The following CFAP54 variants were observed in gnomAD, a reference collection of about 807,000 sequenced individuals.
CFAP54 encodes cilia and flagella associated protein 54.
A neutral mutation model predicts 370.4 loss-of-function variants in CFAP54; 290 were observed. The ratio of observed to expected loss-of-function variants is 0.78; its 90% CI spans 0.71 to 0.86. CFAP54 has a LOEUF of 0.86. Among genes scored for constraint, CFAP54 ranks in the 40% least tolerant of loss-of-function variants. The probability of loss-of-function intolerance (pLI) is 0.00; values close to 1 mark genes in which losing one functional copy is unlikely to be tolerated. For synonymous variants in CFAP54, 1,206 were observed against 1,236.5 expected, an observed-to-expected ratio of 0.98 and a Z score of 0.52; for missense variants, 3,399 against 3,528.7, an observed-to-expected ratio of 0.96 and a Z score of 0.93.
At chr12:96,562,421 T>G (rs890365872) in intron 17 of CFAP54, among the ~76,000 whole-genome samples, 5 of 150,432 alleles carry the variant, frequency 3.3e-5, no homozygotes, top group Non-Finnish European at 5.9e-5. Context: ...TTTTTTGTAT[T>G]TGCATTCTTT....
intron 63 of CFAP54, among the ~76,000 whole-genome samples, chr12:96,806,863 T>C (rs965111322): frequency 1.3e-5 from 2 of 152,164 alleles, no homozygotes; most frequent in Non-Finnish European, 2.9e-5. Flanking sequence ...TTGAAATGGC[T>C]GTTGCGACTC....
chr12:96,504,094 T>C, intron 3 of CFAP54, 65 bp downstream of exon 3: 1 of 1,380,824 alleles, frequency 7.2e-7, no homozygotes, highest in Non-Finnish European at 9.5e-7. Flanking sequence ...ATCTTTTAGT[T>C]GACAGCTTCT....
At chr12:96,578,892 G>T (rs61938139) in intron 20 of CFAP54, among the ~76,000 whole-genome samples, 2,514 of 152,202 alleles carry the variant, frequency 0.017, 25 homozygotes, top group Non-Finnish European at 0.024. Flanking sequence ...GTACTGATTT[G>T]TTCATGATGT....
intron 19 of CFAP54, chr12:96,565,097 G>A: frequency 6.2e-6 from 1 of 160,746 alleles, no homozygotes; most frequent in Non-Finnish European, 1.4e-5. Flanking sequence ...AATTCTTAAA[G>A]TCCATTGGCT....
At chr12:96,501,045 T>G in intron 2 of CFAP54, 106 bp downstream of exon 2, 1 of 617,604 alleles carries the variant, frequency 1.6e-6, no homozygotes. Flanking sequence ...GATTTTTCTC[T>G]TAGAAAAAAA....
chr12:96,788,262 G>A (rs574399948), intron 62 of CFAP54, among the ~76,000 whole-genome samples: 1 of 152,260 alleles, frequency 6.6e-6, no homozygotes, highest in East Asian at 1.9e-4. Context: ...AGTGCATGGT[G>A]ACATCATTAG....
At chr12:96,705,318 A>G (rs1287296026) in intron 47 of CFAP54, among the ~76,000 whole-genome samples, 4 of 152,154 alleles carry the variant, frequency 2.6e-5, no homozygotes, top group African/African-American at 9.7e-5. Flanking sequence ...TAATTTTAAT[A>G]GGACTATATC....
At chr12:96,534,027 A>C (rs1565887449) in intron 10 of CFAP54, 35 bp from the exon 11 acceptor site, 8 of 1,500,506 alleles carry the variant, frequency 5.3e-6, no homozygotes, top group Non-Finnish European at 7.1e-6. Context: ...ATGACATCCA[A>C]TTACTAATTA....
intron 32 of CFAP54, among the ~76,000 whole-genome samples, chr12:96,634,818 A>G (rs546098826): frequency 2.0e-5 from 3 of 152,298 alleles, no homozygotes; most frequent in Admixed American, 6.5e-5. Flanking sequence ...AATTGCTCCA[A>G]TGTCATTTCT....
chr12:96,521,331 C>T (rs1955309843), intron 6 of CFAP54, among the ~76,000 whole-genome samples: 1 of 152,136 alleles, frequency 6.6e-6, no homozygotes, highest in South Asian at 2.1e-4. Context: ...AGAAAGCCTC[C>T]CTTCTTCCTT....
chr12:96,739,867 A>C (rs1958029924), intron 50 of CFAP54, 89 bp from the exon 51 acceptor site: 1 of 786,964 alleles, frequency 1.3e-6, no homozygotes, highest in Admixed American at 2.7e-5. Flanking sequence ...GGGTGTGAGA[A>C]TGTTTTTTGG....
intron 67 of CFAP54, among the ~76,000 whole-genome samples, chr12:96,868,185 A>G (rs1960055500): frequency 6.6e-6 from 1 of 151,814 alleles, no homozygotes; most frequent in Non-Finnish European, 1.5e-5. Context: ...CACTCATTCT[A>G]TTTTGCACGT....
chr12:96,635,367 G>A (rs976036055), intron 32 of CFAP54, among the ~76,000 whole-genome samples: 2 of 151,582 alleles, frequency 1.3e-5, no homozygotes, highest in African/African-American at 2.4e-5. Context: ...TAATATGATC[G>A]TGCGATAAAC....
At chr12:96,710,176 T>G (rs1252692569) in intron 48 of CFAP54, among the ~76,000 whole-genome samples, 1 of 152,180 alleles carries the variant, frequency 6.6e-6, no homozygotes, top group East Asian at 1.9e-4. Flanking sequence ...AATGTAGGTT[T>G]TATTATTCAG....
At chr12:96,861,506 G>T (rs1257836373) in intron 67 of CFAP54, among the ~76,000 whole-genome samples, 2 of 152,140 alleles carry the variant, frequency 1.3e-5, no homozygotes, top group African/African-American at 4.8e-5. Context: ...TAAATGGCTT[G>T]GGAAAAAATC....
At chr12:96,495,283 TC>T (rs1954938420) in intron 1 of CFAP54, among the ~76,000 whole-genome samples, 3 of 147,552 alleles carry the variant, frequency 2.0e-5, no homozygotes, top group South Asian at 2.2e-4. Context: ...CTTCCTTCCT[TC>T]CTTCCTTCTT....
intron 1 of CFAP54, among the ~76,000 whole-genome samples, chr12:96,499,457 C>T (rs1055003911): frequency 9.9e-5 from 15 of 152,164 alleles, no homozygotes; most frequent in Admixed American, 6.5e-4. Context: ...TCTAGAACAC[C>T]GACAACACCA....
Position 96,818,916 on chromosome 12 carries a change from G to A in CFAP54, c.9096+1003G>A, listed in dbSNP as rs142210810. ...CCCTTTATGGAAATGAGAAGGGTAG[G>A]GAATATATGTTCTCCCCTAATTACC... is the stretch of plus-strand genomic sequence containing the variant. On this transcript the variant is annotated intron_variant, in intron 65 of 67. Coordinates refer to ENST00000524981, the MANE Select transcript of CFAP54 (RefSeq NM_001306084.2). 1.4e-3 allele frequency among the ~76,000 whole-genome samples: 209 copies of A among 152,216 alleles called. 1 individual carries two copies. Among genetic ancestry groups the A allele is most frequent in the East Asian group, 0.013 (68 of 5,184 alleles).
chr12:96,742,367 T>C, intron 51 of CFAP54, 72 bp from the exon 52 acceptor site: 1 of 1,146,268 alleles, frequency 8.7e-7, no homozygotes, highest in Non-Finnish European at 1.3e-6. Flanking sequence ...TAAACTTACA[T>C]TACATTTAGT....
Sources: gnomAD v4.1 joint callset for allele counts (sites outside exome capture counted in the v4.1 genomes callset) on GRCh38, gnomAD v4.1.1 for gene constraint, MANE v1.5 for transcripts, NCBI Gene and HGNC (gene_info 2026-07-23, HGNC 2026-07-21) for gene names.